Variants in MED12L observed in about 807,000 individuals in gnomAD.
MED12L encodes mediator complex subunit 12L.
In MED12L, 60 loss-of-function variants were observed where a neutral mutation model predicts 281.3. The ratio of observed to expected loss-of-function variants is 0.21; its 90% CI spans 0.17 to 0.26. The LOEUF (loss-of-function observed/expected upper bound fraction) is 0.26. Among genes scored for constraint, MED12L ranks in the 10% least tolerant of loss-of-function variants. The probability of loss-of-function intolerance (pLI) is 1.00; values close to 1 mark genes in which losing one functional copy is unlikely to be tolerated. For missense variants in MED12L, 2,146 were observed against 2,680.9 expected, an observed-to-expected ratio of 0.80 and a Z score of 4.41; for synonymous variants, 974 against 987.2, an observed-to-expected ratio of 0.99 and a Z score of 0.25.
At chr3:151,430,541 G>A (rs1321482754) in intron 44 of MED12L, among the ~76,000 whole-genome samples, 161 bp downstream of exon 44, 1 of 151,586 alleles carries the variant, frequency 6.6e-6, no homozygotes, top group African/African-American at 2.4e-5. Flanking sequence ...GTCTTCGTTT[G>A]GTTTTGGCTT....
rs1332577664 is a variant in MED12L, at chr3:151,244,262, C to T, written c.2250+50596C>T. Among the ~76,000 whole-genome samples, 353 of 131,350 alleles carry T rather than the reference C, an allele frequency of 2.7e-3. 2 individuals are homozygous for T. Among genetic ancestry groups the T allele is most frequent in the Non-Finnish European group, 4.7e-3 (278 of 59,158 alleles). The allele number at this position is 131,350 out of a possible 152,430, so 86.2% of individuals were successfully genotyped here. Reference sequence around the variant, plus strand: ...GAATTGAACTCAGCTCTGCACCAAGCGGACCTAATAGACATCTACAGAACT... The same window carrying T: ...GAATTGAACTCAGCTCTGCACCAAGTGGACCTAATAGACATCTACAGAACT... On this transcript the variant is annotated intron_variant, in intron 16 of 44. Coordinates refer to ENST00000687756, the MANE Select transcript of MED12L (RefSeq NM_001393769.1).
At chr3:151,412,310 G>T (rs1334111366) in intron 41 of MED12L, among the ~76,000 whole-genome samples, 3 of 152,144 alleles carry the variant, frequency 2.0e-5, no homozygotes, top group Non-Finnish European at 4.4e-5. Context: ...TTTGATCAGG[G>T]AGCCTTGTGT....
chr3:151,221,505 G>C (rs1729346062), intron 16 of MED12L, among the ~76,000 whole-genome samples: 1 of 152,230 alleles, frequency 6.6e-6, no homozygotes, highest in African/African-American at 2.4e-5. Context: ...CAGGGTCTCT[G>C]TGCTGTGTGC....
At chr3:151,152,080 A>C (rs1718596186) in intron 5 of MED12L, among the ~76,000 whole-genome samples, 1 of 129,672 alleles carries the variant, frequency 7.7e-6, no homozygotes, top group African/African-American at 3.1e-5. Context: ...GATCAGTTGA[A>C]GGTGGTTTTT....
chr3:151,394,652 G>A lies in MED12L; in HGVS notation c.5609-4G>A. On this transcript the variant is annotated splice_polypyrimidine_tract_variant and splice_region_variant and intron_variant, in intron 38 of 44. Coordinates refer to ENST00000687756, the MANE Select transcript of MED12L (RefSeq NM_001393769.1). ...AAAGTGTTTCCTTTTGGTTGCTTTT[G>A]TAGGTGGCTCCAGATTGGACCCTGC... The A allele has an allele frequency of 3.7e-6, 6 of 1,613,926 alleles. No homozygotes were observed. The highest frequency in any genetic ancestry group is 5.1e-6 in the Non-Finnish European group (6 of 1,179,968).
intron 2 of MED12L, among the ~76,000 whole-genome samples, chr3:151,096,314 T>A (rs548821141): frequency 6.6e-6 from 1 of 152,342 alleles, no homozygotes; most frequent in South Asian, 2.1e-4. Flanking sequence ...CCATATAATG[T>A]TGTTAAGGTA....
Position 151,409,610 on chromosome 3 carries a change from CCCAGAGTT to C in MED12L, c.5910+279_5910+286del, listed in dbSNP as rs1365343004. On this transcript the variant is annotated intron_variant, in intron 40 of 44. Transcript: ENST00000687756. ...TATAGATATTGAAATACTTAACAAT[CCCAGAGTT>C]ACTTCTTTTATGTTATAATGTATAA... Among the ~76,000 whole-genome samples, 10 of 152,200 alleles carry C rather than the reference CCCAGAGTT, an allele frequency of 6.6e-5. No homozygotes were observed. In the East Asian group the frequency reaches 1.7e-3, roughly 26 times the overall value.
chr3:151,400,094 T>C (rs1715483168), intron 39 of MED12L, among the ~76,000 whole-genome samples: 1 of 152,126 alleles, frequency 6.6e-6, no homozygotes, highest in South Asian at 2.1e-4. Context: ...CCTATAGTGC[T>C]GGGATTATAG....
chr3:151,125,555 G>A (rs879549559), intron 4 of MED12L, among the ~76,000 whole-genome samples: 20 of 152,282 alleles, frequency 1.3e-4, no homozygotes, highest in Admixed American at 9.8e-4. Flanking sequence ...GCTAACTTGC[G>A]CTTGTTTATG....
intron 16 of MED12L, chr3:151,328,046 G>C: frequency 6.2e-7 from 1 of 1,603,682 alleles, no homozygotes; most frequent in Non-Finnish European, 8.5e-7. Context: ...GCTTGATGCT[G>C]TGGTCTTTCT....
In MED12L at chr3:151,433,271, A is replaced by G. The variant is rs372403096; in HGVS notation, c.*467A>G. ...ATCTTGACAGAAACATGGCCTGTTT[A>G]TTCTGCATTCACCTGTGATGGTGAA... On this transcript the variant is annotated 3_prime_UTR_variant, in exon 45 of 45. Transcript: ENST00000687756. The G allele has an allele frequency of 1.3e-5, 2 of 153,574 alleles. No homozygotes were observed. Among genetic ancestry groups the G allele is most frequent in the African/African-American group, 4.8e-5 (2 of 41,438 alleles). The allele number at this position is 153,574 out of a possible 1,614,324, so 9.5% of individuals were successfully genotyped here.
intron 16 of MED12L, among the ~76,000 whole-genome samples, chr3:151,308,892 A>G (rs969097407): frequency 6.6e-5 from 10 of 152,278 alleles, no homozygotes; most frequent in South Asian, 6.2e-4. Context: ...GAGTAAGACA[A>G]TTACCTAAGA....
At chr3:151,250,777 T>C (rs766908314) in intron 16 of MED12L, among the ~76,000 whole-genome samples, 13 of 152,208 alleles carry the variant, frequency 8.5e-5, no homozygotes, top group Admixed American at 6.5e-5. Context: ...CTTTTGGTTA[T>C]GTGCCCAGAA....
chr3:151,177,744 C>T (rs115028701), intron 11 of MED12L, among the ~76,000 whole-genome samples: 2 of 152,168 alleles, frequency 1.3e-5, no homozygotes, highest in East Asian at 1.9e-4. Context: ...TGTTCCTGCT[C>T]GGCTTCCCAA....
At chr3:151,166,979 C>G (rs1162276232) in intron 11 of MED12L, among the ~76,000 whole-genome samples, 3 of 152,098 alleles carry the variant, frequency 2.0e-5, no homozygotes, top group African/African-American at 4.8e-5. Context: ...CGGCCGGGAC[C>G]TTAGTCTTTT....
In MED12L at chr3:151,224,446, C is replaced by CTT. The variant is rs80099332; in HGVS notation, c.2250+30792_2250+30793dup. Among the ~76,000 whole-genome samples the CTT allele has an allele frequency of 9.8e-5, 14 of 143,188 alleles. No individual in the cohort carries two copies. The East Asian group carries it at 1.4e-3, about 14-fold the overall frequency. The allele number at this position is 143,188 out of a possible 152,430, so 93.9% of individuals were successfully genotyped here. ...ATCTCTCATGCCTTAATGTTTAACA[C>CTT]TTTTTTTTTTTTTGGTGTCAATGTG... On this transcript the variant is annotated intron_variant, in intron 16 of 44. Transcript: ENST00000687756.
intron 16 of MED12L, among the ~76,000 whole-genome samples, chr3:151,313,407 G>A (rs1480427068): frequency 6.6e-6 from 1 of 152,138 alleles, no homozygotes; most frequent in Admixed American, 6.6e-5. Flanking sequence ...AGAGGTAACA[G>A]CAAATACAGC....
chr3:151,274,138 G>T (rs896235174), intron 16 of MED12L, among the ~76,000 whole-genome samples: 3 of 152,176 alleles, frequency 2.0e-5, no homozygotes, highest in African/African-American at 7.2e-5. Flanking sequence ...CAGAAAAAAG[G>T]CCTCGCTGCC....
At chr3:151,264,707 A>G (rs1045535366) in intron 16 of MED12L, among the ~76,000 whole-genome samples, 1 of 152,178 alleles carries the variant, frequency 6.6e-6, no homozygotes, top group Non-Finnish European at 1.5e-5. Context: ...CAGCTGCAAG[A>G]AGGAGCTCTA....
Sources: gnomAD v4.1 joint callset for allele counts (sites outside exome capture counted in the v4.1 genomes callset) on GRCh38, gnomAD v4.1.1 for gene constraint, MANE v1.5 for transcripts, NCBI Gene and HGNC (gene_info 2026-07-23, HGNC 2026-07-21) for gene names.